The following ZNF710 variants were observed in gnomAD, a reference collection of about 807,000 sequenced individuals.
ZNF710 encodes zinc finger protein 710.
A neutral mutation model predicts 50.6 loss-of-function variants in ZNF710; 13 were observed. The ratio of observed to expected loss-of-function variants is 0.26; its 90% CI spans 0.17 to 0.41. ZNF710 has a LOEUF of 0.41. Ranked by LOEUF, ZNF710 falls within the 10% of genes least tolerant of loss-of-function variation. The probability of loss-of-function intolerance (pLI) is 1.00; values close to 1 mark genes in which losing one functional copy is unlikely to be tolerated. For synonymous variants in ZNF710, 383 were observed against 397.0 expected, an observed-to-expected ratio of 0.96 and a Z score of 0.42; for missense variants, 721 against 936.6, an observed-to-expected ratio of 0.77 and a Z score of 3.01.
Position 90,035,874 on chromosome 15 carries a change from C to T in ZNF710, c.-28-31236C>T, listed in dbSNP as rs116518392. ...GTAAAATTTAAAGAACAGCAGAGCACGAAACCAAATGTGAGCCCTTCCTTC... is the reference window on the plus strand; with the variant it reads ...GTAAAATTTAAAGAACAGCAGAGCATGAAACCAAATGTGAGCCCTTCCTTC... On this transcript the variant is annotated intron_variant, in intron 1 of 4. Coordinates refer to ENST00000268154, the MANE Select transcript of ZNF710 (RefSeq NM_198526.4). Among the ~76,000 whole-genome samples the T allele has an allele frequency of 2.9e-3, 435 of 152,316 alleles. 5 individuals are homozygous for T. Among genetic ancestry groups the T allele is most frequent in the African/African-American group, 9.2e-3 (382 of 41,568 alleles).
chr15:90,060,728 C>T (rs1365128491), intron 1 of ZNF710, among the ~76,000 whole-genome samples: 2 of 149,730 alleles, frequency 1.3e-5, no homozygotes, highest in Middle Eastern at 3.8e-3. Context: ...TGGTGGTGGG[C>T]GCCTGTAATC....
rs1239407231 is a variant in ZNF710 at position 90,082,079 on chromosome 15, T to C, written c.*2250T>C. On this transcript the variant is annotated 3_prime_UTR_variant, in exon 5 of 5. Coordinates refer to ENST00000268154, the MANE Select transcript of ZNF710 (RefSeq NM_198526.4). Reference sequence around the variant, plus strand: ...CCATTCTAACTTATTTTGACATGTATACAAACCAACTGTTTAGAGATTCCA... The same window carrying C: ...CCATTCTAACTTATTTTGACATGTACACAAACCAACTGTTTAGAGATTCCA... 1 of 152,268 alleles carries C rather than the reference T, an allele frequency of 6.6e-6. No homozygotes were observed. The highest frequency in any genetic ancestry group is 1.5e-5 in the Non-Finnish European group (1 of 68,056). 9.4% of individuals were successfully genotyped at this position (152,268 alleles called of 1,614,324 possible).
chr15:90,055,503 T>C (rs954517970), intron 1 of ZNF710, among the ~76,000 whole-genome samples: 1 of 152,224 alleles, frequency 6.6e-6, no homozygotes, highest in Non-Finnish European at 1.5e-5. Context: ...TGGGCTTGAT[T>C]GCAAGAGCAA....
At chr15:90,037,470 C>T (rs1405029868) in intron 1 of ZNF710, among the ~76,000 whole-genome samples, 1 of 152,178 alleles carries the variant, frequency 6.6e-6, no homozygotes, top group Non-Finnish European at 1.5e-5. Flanking sequence ...TAGGGGAGCA[C>T]TAAGCATAGG....
At position 90,080,864 on chromosome 15, in the gene ZNF710, CTTA is replaced by C. The variant is rs1900705652; in HGVS notation, c.*1041_*1043del. ...AGCAAAGGGGGTCTTCTGAAGGTAA[CTTA>C]TTATTTTTTTCTTTCCAACTGTGTG... On this transcript the variant is annotated 3_prime_UTR_variant, in exon 5 of 5. Coordinates refer to ENST00000268154, the MANE Select transcript of ZNF710 (RefSeq NM_198526.4). 6.6e-6 allele frequency: 1 copy of C among 152,234 alleles called. No individual in the cohort carries two copies. The highest frequency in any genetic ancestry group is 1.5e-5 in the Non-Finnish European group (1 of 68,040). 9.4% of individuals were successfully genotyped at this position (152,234 alleles called of 1,614,324 possible).
intron 1 of ZNF710, among the ~76,000 whole-genome samples, chr15:90,028,056 G>A (rs1260372733): frequency 6.6e-6 from 1 of 152,062 alleles, no homozygotes. Flanking sequence ...TGCAATACAA[G>A]TTTTGAAAGT....
At chr15:90,022,156 TCA>T (rs761686506) in intron 1 of ZNF710, among the ~76,000 whole-genome samples, 1 of 151,282 alleles carries the variant, frequency 6.6e-6, no homozygotes, top group Non-Finnish European at 1.5e-5. Flanking sequence ...GGCGAGCGAA[TCA>T]CGAGGTCAGG....
rs979391750 is a variant in ZNF710, at chr15:90,079,889, G to A, written c.*60G>A. 1.4e-6 allele frequency: 2 copies of A among 1,447,422 alleles called. No individual in the cohort carries two copies. The highest frequency in any genetic ancestry group is 4.9e-5 in the East Asian group (2 of 40,796). 89.7% of individuals were successfully genotyped at this position (1,447,422 alleles called of 1,614,324 possible). A position where few individuals can be genotyped will look rare whatever the true frequency, so the allele number is the denominator to read the frequency against. On this transcript the variant is annotated 3_prime_UTR_variant, in exon 5 of 5. Transcript: ENST00000268154. ...CGAGGGCATGGGGGTGAGACCCATGGGCTGCAGGCTGCACCTCCTGCAGCC... is the reference window on the plus strand; with the variant it reads ...CGAGGGCATGGGGGTGAGACCCATGAGCTGCAGGCTGCACCTCCTGCAGCC...
At chr15:90,076,194 A>T in intron 4 of ZNF710, 1 of 152,194 alleles carries the variant, frequency 6.6e-6, no homozygotes, top group East Asian at 1.9e-4. Context: ...GTTGGGAGTC[A>T]CCTGAGGAAT....
At chr15:90,065,427 C>T (rs747501242) in intron 1 of ZNF710, among the ~76,000 whole-genome samples, 1 of 152,150 alleles carries the variant, frequency 6.6e-6, no homozygotes, top group Non-Finnish European at 1.5e-5. Flanking sequence ...GGGTATAGGC[C>T]CAGGAGGAGG....
chr15:90,042,144 G>A (rs557041218), intron 1 of ZNF710, among the ~76,000 whole-genome samples: 23 of 152,036 alleles, frequency 1.5e-4, no homozygotes, highest in African/African-American at 3.6e-4. Flanking sequence ...TGATCCACCC[G>A]CCTCAGCCTT....
At chr15:90,070,502 G>A (rs1356955308) in intron 2 of ZNF710, among the ~76,000 whole-genome samples, 1 of 151,300 alleles carries the variant, frequency 6.6e-6, no homozygotes, top group Non-Finnish European at 1.5e-5. Context: ...TGAAACCCTG[G>A]CTCTACTAAA....
intron 1 of ZNF710, among the ~76,000 whole-genome samples, chr15:90,046,370 C>G (rs1899461121): frequency 6.6e-6 from 1 of 152,202 alleles, no homozygotes; most frequent in South Asian, 2.1e-4. Flanking sequence ...AGCTCACAGC[C>G]AAGTGCTGTG....
chr15:90,030,936 G>A (rs911940790), intron 1 of ZNF710, among the ~76,000 whole-genome samples: 30 of 145,628 alleles, frequency 2.1e-4, no homozygotes, highest in Non-Finnish European at 3.9e-4. Flanking sequence ...GGAGAATGGC[G>A]TGAACCCGGG....
chr15:90,069,264 C>G (rs959705114), intron 2 of ZNF710, among the ~76,000 whole-genome samples: 3 of 151,352 alleles, frequency 2.0e-5, no homozygotes, highest in African/African-American at 7.3e-5. Flanking sequence ...AAACATTAGC[C>G]GGGTGTGGTG....
At chr15:89,999,601 G>A (rs1030557056), upstream of ZNF710, among the ~76,000 whole-genome samples, 3 of 152,096 alleles carry the variant, frequency 2.0e-5, no homozygotes, top group Non-Finnish European at 1.5e-5. Context: ...CTCACTCCTC[G>A]TCAGAGACAA....
chr15:90,022,770 T>C (rs1414531262), intron 1 of ZNF710, among the ~76,000 whole-genome samples: 6 of 152,250 alleles, frequency 3.9e-5, no homozygotes, highest in Admixed American at 6.5e-5. Context: ...ACCAGCTGTT[T>C]ACATATAATT....
chr15:90,042,493 T>C (rs1344395750), intron 1 of ZNF710, among the ~76,000 whole-genome samples: 3 of 151,526 alleles, frequency 2.0e-5, no homozygotes, highest in Admixed American at 6.6e-5. Flanking sequence ...TGAGACTCGC[T>C]CAATCAATCA....
rs771035867 is a variant in ZNF710, at chr15:90,068,346, T to C, written c.1209T>C (p.Ser403=). ...ELKAHEVKHE[S]GRCHVCVECG... The stretch of plus-strand genomic sequence containing the variant: ...AGGCCCACGAAGTGAAGCATGAGAG[T>C]GGCCGCTGCCATGTCTGCGTCGAGT... Residue 403 remains serine, a synonymous_variant, in exon 2 of 5, where the codon AGT becomes AGC. Coordinates refer to ENST00000268154, the MANE Select transcript of ZNF710 (RefSeq NM_198526.4). This position sits in a 1 kb window ranked among gnomAD's most constrained non-coding sequence, Gnocchi z 5.0. 19 of 1,612,282 alleles carry C rather than the reference T, an allele frequency of 1.2e-5. No homozygotes were observed. The South Asian group carries it at 1.8e-4, about 15-fold the overall frequency.
Sources: gnomAD v4.1 joint callset for allele counts (sites outside exome capture counted in the v4.1 genomes callset) on GRCh38, gnomAD v4.1.1 for gene constraint, Gnocchi (gnomAD v3.1) non-coding constraint, MANE v1.5 for transcripts, NCBI Gene and HGNC (gene_info 2026-07-23, HGNC 2026-07-21) for gene names.